The following GSE1 variants were observed in gnomAD, a reference collection of about 807,000 sequenced individuals.
GSE1 encodes genetic suppressor element 1.
A neutral mutation model predicts 112.6 loss-of-function variants in GSE1; 32 were observed. The ratio of observed to expected loss-of-function variants is 0.28; its 90% CI spans 0.21 to 0.38. GSE1 has a LOEUF of 0.38. Among genes scored for constraint, GSE1 ranks in the 10% least tolerant of loss-of-function variants. The probability of loss-of-function intolerance (pLI) is 1.00; values close to 1 mark genes in which losing one functional copy is unlikely to be tolerated. For missense variants in GSE1, 2,348 were observed against 1,699.2 expected (o/e 1.38, Z -6.71); for synonymous variants, 1,115 against 735.6 (o/e 1.52, Z -8.35).
chr16:85,495,226 A>T (rs991692113), intron 2 of GSE1, among the ~76,000 whole-genome samples: 2 of 152,168 alleles, frequency 1.3e-5, no homozygotes, highest in Non-Finnish European at 2.9e-5. Flanking sequence ...ACTGACCCCA[A>T]GTCAAGCTAG....
intron 2 of GSE1, among the ~76,000 whole-genome samples, chr16:85,635,205 G>A (rs571417827): frequency 6.6e-6 from 1 of 152,154 alleles, no homozygotes; most frequent in Non-Finnish European, 1.5e-5. Flanking sequence ...GTTGGAGAAT[G>A]GGGGGAGTGT....
exon 1 of GSE1, chr16:85,170,488 A>C: frequency 1.0e-6 from 1 of 985,716 alleles, no homozygotes; most frequent in Non-Finnish European, 1.2e-6. Context: ...CTCCGAGGAC[A>C]GTGACATCAA....
At chr16:85,333,869 G>A (rs1477058852) in intron 1 of GSE1, among the ~76,000 whole-genome samples, 2 of 152,096 alleles carry the variant, frequency 1.3e-5, no homozygotes, top group African/African-American at 2.4e-5. Context: ...TGACCCAGAC[G>A]CCCCGTGCTC....
At chr16:85,338,305 C>T (rs2046548810) in intron 1 of GSE1, among the ~76,000 whole-genome samples, 1 of 152,262 alleles carries the variant, frequency 6.6e-6, no homozygotes. Flanking sequence ...CTCTTTCCTG[C>T]AATGGGGCCA....
chr16:85,587,556 C>T (rs1286691691), intron 1 of GSE1, among the ~76,000 whole-genome samples: 1 of 152,062 alleles, frequency 6.6e-6, no homozygotes, highest in Admixed American at 6.5e-5. Context: ...GGCCTAGGTA[C>T]ATCCAGGTAC....
intron 2 of GSE1, among the ~76,000 whole-genome samples, chr16:85,439,964 A>T (rs12598084): frequency 6.6e-6 from 1 of 152,134 alleles, no homozygotes. Flanking sequence ...ACAGACACAC[A>T]TTATTACATA....
intron 2 of GSE1, among the ~76,000 whole-genome samples, chr16:85,385,174 C>T (rs2047660131): frequency 6.6e-6 from 1 of 152,250 alleles, no homozygotes; most frequent in Non-Finnish European, 1.5e-5. Flanking sequence ...GTGCCTGGGG[C>T]AGGGCACCCG....
intron 2 of GSE1, among the ~76,000 whole-genome samples, chr16:85,640,748 AAC>A (rs1598511739): frequency 6.6e-6 from 1 of 152,314 alleles, no homozygotes; most frequent in African/African-American, 2.4e-5. Flanking sequence ...CAGCAAAACA[AAC>A]ACGGAGGAAG....
intron 2 of GSE1, among the ~76,000 whole-genome samples, chr16:85,494,588 G>A (rs1322240950): frequency 6.6e-6 from 1 of 152,018 alleles, no homozygotes; most frequent in East Asian, 1.9e-4. Context: ...TATTTTTGTA[G>A]AGAGAGGGTT....
chr16:85,580,435 G>A (rs140963914), intron 1 of GSE1, among the ~76,000 whole-genome samples: 13 of 152,322 alleles, frequency 8.5e-5, no homozygotes, highest in African/African-American at 1.9e-4. Context: ...GGGAGGCTGC[G>A]TGCTCTCTGC....
At chr16:85,496,204 C>A (rs2051171598) in intron 2 of GSE1, among the ~76,000 whole-genome samples, 2 of 152,186 alleles carry the variant, frequency 1.3e-5, no homozygotes, top group Non-Finnish European at 2.9e-5. Flanking sequence ...ACTTTGCAGC[C>A]AATGGCAATT....
At chr16:85,236,029 G>GGGCTGC (rs1904621114) in intron 1 of GSE1, among the ~76,000 whole-genome samples, 3 of 151,666 alleles carry the variant, frequency 2.0e-5, no homozygotes, top group African/African-American at 7.3e-5. Context: ...GCTGCGGCTG[G>GGGCTGC]GGCTGGGGCT....
chr16:85,431,503 C>T (rs548597341), intron 2 of GSE1, among the ~76,000 whole-genome samples: 17 of 152,370 alleles, frequency 1.1e-4, no homozygotes, highest in African/African-American at 3.8e-4. Context: ...ACTTGCAGAG[C>T]GCGTCTCTGA....
intron 1 of GSE1, among the ~76,000 whole-genome samples, chr16:85,568,126 C>G (rs896233103): frequency 6.6e-6 from 1 of 152,230 alleles, no homozygotes; most frequent in African/African-American, 2.4e-5. Context: ...ATCAGCTACA[C>G]ATGCTCCACC....
chr16:85,245,614 A>G (rs1452627085), intron 1 of GSE1, among the ~76,000 whole-genome samples: 3 of 152,156 alleles, frequency 2.0e-5, no homozygotes, highest in Non-Finnish European at 4.4e-5. Context: ...TCTTGTTGAA[A>G]AGCGGTTACA....
At chr16:85,352,473 C>A (rs2046870149) in intron 1 of GSE1, among the ~76,000 whole-genome samples, 1 of 152,162 alleles carries the variant, frequency 6.6e-6, no homozygotes, top group African/African-American at 2.4e-5. Context: ...CTCCAGGGCC[C>A]CCTGGGAGTG....
intron 2 of GSE1, among the ~76,000 whole-genome samples, chr16:85,369,543 A>G (rs1597505835): frequency 6.6e-6 from 1 of 151,878 alleles, no homozygotes; most frequent in East Asian, 1.9e-4. Flanking sequence ...CACATCTCCC[A>G]CCACCCACTC....
chr16:85,187,759 C>T (rs74528960), intron 1 of GSE1, among the ~76,000 whole-genome samples: 1 of 152,222 alleles, frequency 6.6e-6, no homozygotes, highest in Non-Finnish European at 1.5e-5. Context: ...TGGGACCGAC[C>T]TCACAGGACT....
At chr16:85,257,952 A>T (rs1045663686) in intron 1 of GSE1, among the ~76,000 whole-genome samples, 3 of 152,250 alleles carry the variant, frequency 2.0e-5, no homozygotes, top group African/African-American at 7.2e-5. Context: ...CCAGGGGCCT[A>T]GGAGGGCTGG....
Sources: gnomAD v4.1 joint callset for allele counts (sites outside exome capture counted in the v4.1 genomes callset) on GRCh38, gnomAD v4.1.1 for gene constraint, MANE v1.5 for transcripts, NCBI Gene and HGNC (gene_info 2026-07-23, HGNC 2026-07-21) for gene names.